SOX30: variants seen among roughly 807,000 people sequenced by gnomAD.
The protein encoded by SOX30 is transcription factor SOX-30.
A neutral mutation model predicts 58.6 loss-of-function variants in SOX30; 17 were observed. The observed-to-expected ratio is 0.29, with a 90% CI of 0.20 to 0.44. The LOEUF (loss-of-function observed/expected upper bound fraction) is 0.44, where lower values mean the gene tolerates loss of function less well. Among genes scored for constraint, SOX30 ranks in the 20% least tolerant of loss-of-function variants. The pLI, the probability that SOX30 is intolerant of heterozygous loss-of-function variation, is 1.00. For synonymous variants in SOX30, 421 were observed against 400.2 expected (o/e 1.05, Z -0.62); for missense variants, 951 against 965.8 (o/e 0.98, Z 0.20).
rs536393660 is a variant in SOX30 at position 157,634,772 on chromosome 5, C to T, written c.1880+3458G>A. ...AAGCGATTCTCCTGCCTCAAGCTCC[C>T]GAATAGCTGGGATTACAGGTGCCCA... On this transcript the variant is annotated intron_variant, in intron 4 of 4. Coordinates refer to ENST00000265007, the MANE Select transcript of SOX30 (RefSeq NM_178424.2). 5.3e-4 allele frequency among the ~76,000 whole-genome samples: 80 copies of T among 152,012 alleles called. 1 individual carries two copies. Among genetic ancestry groups the T allele is most frequent in the African/African-American group, 1.8e-3 (75 of 41,354 alleles).
At chr5:157,629,103 G>A (rs1206312668) in intron 4 of SOX30, among the ~76,000 whole-genome samples, 1 of 152,176 alleles carries the variant, frequency 6.6e-6, no homozygotes, top group Non-Finnish European at 1.5e-5. Flanking sequence ...ACAGTAGGGT[G>A]CCTATAGTTA....
Position 157,626,358 on chromosome 5 carries a change from T to C in SOX30, c.2244A>G (p.Lys748=), listed in dbSNP as rs1380941457. ...TTTAAAATTATAAATCCCTGAGCAC[T>C]TTTTCTTCTTCCTCCTCATCACTGT... is the stretch of plus-strand genomic sequence containing the variant. ...VTDSDEEEEE[K]VLRDL Residue 748 remains lysine (K), a synonymous_variant, in exon 5 of 5, where the codon AAA becomes AAG. Coordinates refer to ENST00000265007, the MANE Select transcript of SOX30 (RefSeq NM_178424.2). The C allele has an allele frequency of 2.5e-6, 4 of 1,607,678 alleles. No homozygotes were observed. The East Asian group carries it at 6.7e-5, about 27-fold the overall frequency.
chr5:157,638,688 A>G lies in SOX30; in HGVS notation c.1422T>C (p.Pro474=), dbSNP rs1302795307. 1 of 1,613,126 alleles carries G rather than the reference A, an allele frequency of 6.2e-7. No homozygotes were observed. Among genetic ancestry groups the G allele is most frequent in the Admixed American group, 1.7e-5 (1 of 59,926 alleles). ...ETSPAIQLPT[P]AVQSPSPVTL... ...TGACAGGGCTTGGGCTCTGGACTGC[A>G]GGTGTGGGCAGCTGGATAGCAGGTG... The change falls in exon 4 of 5, where the codon CCT becomes CCC. Residue 474 remains proline, a synonymous_variant. Coordinates refer to ENST00000265007, the MANE Select transcript of SOX30 (RefSeq NM_178424.2).
chr5:157,636,502 A>G (rs1295519372), intron 4 of SOX30, among the ~76,000 whole-genome samples: 1 of 152,208 alleles, frequency 6.6e-6, no homozygotes, highest in Non-Finnish European at 1.5e-5. Context: ...GATCCCTTGA[A>G]CTAAAATACT....
upstream of SOX30, among the ~76,000 whole-genome samples, chr5:157,654,895 A>T (rs1180391226): frequency 6.6e-6 from 1 of 152,230 alleles, no homozygotes; most frequent in Non-Finnish European, 1.5e-5. Flanking sequence ...TTAGCTTATC[A>T]TCAAGAAATA....
rs774702219 is a variant in SOX30 at position 157,646,762 on chromosome 5, G to C, written c.1262C>G (p.Ser421Cys). ...CTGTGTGGTACCAGAAAATACATTG[G>C]AAACACTTAGAGGGAATCGTTTTCG... ...GKRKRFPLSV[S>C]NVFSGTTQNI... The change falls in exon 3 of 5, where the codon TCC becomes TGC. Residue 421 changes from serine (S) to cysteine (C), a missense_variant. Coordinates refer to ENST00000265007, the MANE Select transcript of SOX30 (RefSeq NM_178424.2). 1 of 1,614,014 alleles carries C rather than the reference G, an allele frequency of 6.2e-7. No individual in the cohort carries two copies. Among genetic ancestry groups the C allele is most frequent in the Non-Finnish European group, 8.5e-7 (1 of 1,179,936 alleles).
chr5:157,657,835 T>G (rs71591344), intron 2 of SOX30, among the ~76,000 whole-genome samples: 4 of 152,360 alleles, frequency 2.6e-5, no homozygotes, highest in Middle Eastern at 3.4e-3. Flanking sequence ...TAAGAACCTC[T>G]TTTCTTTTGC....
intron 4 of SOX30, among the ~76,000 whole-genome samples, chr5:157,628,508 G>A (rs1394339321): frequency 6.6e-6 from 1 of 151,892 alleles, no homozygotes; most frequent in Admixed American, 6.6e-5. Flanking sequence ...AAATCTTCAA[G>A]TGCTAGGTAC....
At chr5:157,632,047 T>TAAAAAAAAAAAAAAAAAAAAAAAAA (rs570172679) in intron 4 of SOX30, among the ~76,000 whole-genome samples, 15 of 56,406 alleles carry the variant, frequency 2.7e-4, no homozygotes, top group African/African-American at 1.2e-3. Context: ...ACCCCGTAAC[T>TAAAAAAAAAAAAAAAAAAAAAAAAA]AAAAAAAAAA....
At chr5:157,647,849 G>A (rs112496232) in intron 2 of SOX30, among the ~76,000 whole-genome samples, 2,065 of 151,982 alleles carry the variant, frequency 0.014, 28 homozygotes, top group Non-Finnish European at 0.019. Context: ...GTGAGCCACC[G>A]CGCCTGGCTG....
chr5:157,633,014 C>T (rs1758847834), intron 4 of SOX30, among the ~76,000 whole-genome samples: 1 of 151,982 alleles, frequency 6.6e-6, no homozygotes, highest in Non-Finnish European at 1.5e-5. Flanking sequence ...GCTTGAACCC[C>T]AGAGGCAGAG....
chr5:157,666,099 A>C (rs1759664655), intron 2 of SOX30, among the ~76,000 whole-genome samples: 1 of 152,048 alleles, frequency 6.6e-6, no homozygotes, highest in African/African-American at 2.4e-5. Flanking sequence ...ATATTGTGGG[A>C]GAAATGGAAT....
intron 4 of SOX30, among the ~76,000 whole-genome samples, chr5:157,635,731 C>A (rs1434170471): frequency 6.6e-6 from 1 of 152,118 alleles, no homozygotes; most frequent in Non-Finnish European, 1.5e-5. Flanking sequence ...ATCTTACAAG[C>A]CTTGTCCCAA....
rs1430501607 is a variant in SOX30 at position 157,651,446 on chromosome 5, C to G, written c.633G>C (p.Val211=). 7 of 1,613,458 alleles carry G rather than the reference C, an allele frequency of 4.3e-6. No homozygotes were observed. The East Asian group carries it at 1.3e-4, about 31-fold the overall frequency. ...GKSPAAIREG[V]IKTEEPERLL... is the part of the protein sequence containing the mutation. ...GTCTCTCGGGTTCCTCCGTTTTGAT[C>G]ACACCTTCTCGGATGGCTGCCGGGC... Residue 211 remains valine, a synonymous_variant, in exon 1 of 5, where the codon GTG becomes GTC. Transcript: ENST00000265007.
At chr5:157,628,213 A>G (rs568728885) in intron 4 of SOX30, among the ~76,000 whole-genome samples, 199 of 152,216 alleles carry the variant, frequency 1.3e-3, no homozygotes, top group African/African-American at 4.6e-3. Context: ...CCATTTGTCA[A>G]TTGTTTTTAA....
intron 3 of SOX30, among the ~76,000 whole-genome samples, chr5:157,641,430 T>C (rs1346300807): frequency 6.6e-6 from 1 of 152,086 alleles, no homozygotes; most frequent in African/African-American, 2.4e-5. Flanking sequence ...CTGGCCAACA[T>C]GGTAAAACCC....
At chr5:157,628,713 C>T (rs1175050525) in intron 4 of SOX30, among the ~76,000 whole-genome samples, 2 of 149,852 alleles carry the variant, frequency 1.3e-5, no homozygotes, top group Non-Finnish European at 2.9e-5. Flanking sequence ...ATGAATTTGG[C>T]TCACTGCAAC....
intron 2 of SOX30, among the ~76,000 whole-genome samples, chr5:157,661,842 TTGTC>T (rs538798043): frequency 4.9e-4 from 75 of 152,286 alleles, no homozygotes; most frequent in African/African-American, 1.8e-3. Context: ...TGTGATATCT[TTGTC>T]TGTGGCTTTT....
intron 4 of SOX30, among the ~76,000 whole-genome samples, chr5:157,627,467 G>C (rs568132310): frequency 7.9e-5 from 12 of 152,208 alleles, no homozygotes; most frequent in African/African-American, 2.2e-4. Context: ...GCTCATGTTG[G>C]GGGGGAAATG....
Sources: gnomAD v4.1 joint callset for allele counts (sites outside exome capture counted in the v4.1 genomes callset) on GRCh38, gnomAD v4.1.1 for gene constraint, MANE v1.5 for transcripts, NCBI Gene and HGNC (gene_info 2026-07-23, HGNC 2026-07-21) for gene names.